LYPD6B: variants seen among roughly 807,000 people sequenced by gnomAD.
LYPD6B encodes LY6/PLAUR domain containing 6B, also known as ly6/PLAUR domain-containing protein 6B.
A neutral mutation model predicts 22.8 loss-of-function variants in LYPD6B; 17 were observed. The ratio of observed to expected loss-of-function variants is 0.75; its 90% CI spans 0.51 to 1.12. The LOEUF (loss-of-function observed/expected upper bound fraction) is 1.12, where lower values mean the gene tolerates loss of function less well. Ranked by LOEUF, LYPD6B falls within the 50% of genes most tolerant of loss-of-function variation. LYPD6B has a pLI of 0.00. For synonymous variants in LYPD6B, 106 were observed against 91.6 expected, an observed-to-expected ratio of 1.16 and a Z score of -0.90; for missense variants, 221 against 258.3, an observed-to-expected ratio of 0.86 and a Z score of 0.99.
chr2:149,057,894 C>T (rs137960013), intron 1 of LYPD6B, among the ~76,000 whole-genome samples: 9 of 152,230 alleles, frequency 5.9e-5, no homozygotes, highest in Admixed American at 4.6e-4. Context: ...TGAATGCATC[C>T]GTAAGACGTA....
chr2:149,212,788 A>G (rs1353636636), intron 5 of LYPD6B, among the ~76,000 whole-genome samples: 1 of 152,208 alleles, frequency 6.6e-6, no homozygotes. Context: ...TTCAAAACAC[A>G]TATGTTCTTC....
In LYPD6B at chr2:149,215,033, A is replaced by T; in HGVS notation, c.*323A>T. ...GGCCTTTAGCTGAAAGGATTTCTTGACCTCCTTGACTGCCTCAGAGGCTGC... is the reference window on the plus strand; with the variant it reads ...GGCCTTTAGCTGAAAGGATTTCTTGTCCTCCTTGACTGCCTCAGAGGCTGC... On this transcript the variant is annotated 3_prime_UTR_variant, in exon 7 of 7. Coordinates refer to ENST00000409642, the MANE Select transcript of LYPD6B (RefSeq NM_177964.5). 1 of 292,934 alleles carries T rather than the reference A, an allele frequency of 3.4e-6. No homozygotes were observed. Among genetic ancestry groups the T allele is most frequent in the Admixed American group, 4.5e-5 (1 of 22,418 alleles). 18.1% of individuals were successfully genotyped at this position (292,934 alleles called of 1,614,324 possible). A position where few individuals can be genotyped will look rare whatever the true frequency, so the allele number is the denominator to read the frequency against.
chr2:149,163,991 G>A (rs1451943859), intron 3 of LYPD6B, among the ~76,000 whole-genome samples: 11 of 152,154 alleles, frequency 7.2e-5, no homozygotes, highest in Non-Finnish European at 1.2e-4. Flanking sequence ...GAGGAAGGAC[G>A]TAGGCAAATA....
At chr2:149,102,127 C>T (rs1686242193) in intron 1 of LYPD6B, among the ~76,000 whole-genome samples, 2 of 152,076 alleles carry the variant, frequency 1.3e-5, no homozygotes, top group Non-Finnish European at 2.9e-5. Flanking sequence ...TCTCCCTTTA[C>T]CAAGGGCTAC....
intron 1 of LYPD6B, among the ~76,000 whole-genome samples, chr2:149,045,374 G>A (rs548558259): frequency 1.3e-5 from 2 of 151,832 alleles, no homozygotes; most frequent in South Asian, 2.1e-4. Context: ...TCCAGATTTT[G>A]GTTTAATTTT....
chr2:149,051,117 C>T (rs1683531281), intron 1 of LYPD6B, among the ~76,000 whole-genome samples: 1 of 151,758 alleles, frequency 6.6e-6, no homozygotes, highest in Admixed American at 6.6e-5. Flanking sequence ...TAAAACATAA[C>T]ATTTATCAAC....
rs1290200529 is a variant in LYPD6B, at chr2:149,041,516, G to A, written c.-67+2715G>A. On this transcript the variant is annotated intron_variant, in intron 1 of 6. Transcript: ENST00000409642. ...GATTGTTTTGCCCAAGCTATTTTCCGGAGCTGTAGGAGGGGCTCACCTACC... is the reference window on the plus strand; with the variant it reads ...GATTGTTTTGCCCAAGCTATTTTCCAGAGCTGTAGGAGGGGCTCACCTACC... Among the ~76,000 whole-genome samples the A allele has an allele frequency of 5.9e-5, 9 of 152,284 alleles. No homozygotes were observed. The East Asian group carries it at 1.2e-3, about 20-fold the overall frequency.
intron 1 of LYPD6B, among the ~76,000 whole-genome samples, chr2:149,072,557 GAC>G (rs1684672297): frequency 1.3e-5 from 1 of 79,952 alleles, no homozygotes; most frequent in African/African-American, 3.8e-5. Flanking sequence ...ATTTTTTTGA[GAC>G]ACAGTTTCAC....
intron 3 of LYPD6B, among the ~76,000 whole-genome samples, chr2:149,189,142 A>T (rs1389748685): frequency 6.6e-6 from 1 of 151,892 alleles, no homozygotes; most frequent in African/African-American, 2.4e-5. Flanking sequence ...CAGGGGCTAA[A>T]GAGTGAGAAT....
intron 1 of LYPD6B, among the ~76,000 whole-genome samples, chr2:149,095,736 T>C (rs763956809): frequency 6.9e-6 from 1 of 145,382 alleles, no homozygotes; most frequent in Non-Finnish European, 1.5e-5. Context: ...CCAGGGAGGG[T>C]GTTGGAAGGA....
chr2:149,055,749 A>G (rs575842802), intron 1 of LYPD6B, among the ~76,000 whole-genome samples: 1 of 152,326 alleles, frequency 6.6e-6, no homozygotes, highest in South Asian at 2.1e-4. Flanking sequence ...GAACTTGTCA[A>G]TTAACTCTAA....
intron 1 of LYPD6B, among the ~76,000 whole-genome samples, chr2:149,119,901 C>A (rs1312991046): frequency 1.3e-5 from 2 of 151,894 alleles, no homozygotes; most frequent in African/African-American, 4.8e-5. Flanking sequence ...CATATATAGA[C>A]AGTAGGTATA....
At chr2:149,107,026 A>G (rs1354012923) in intron 1 of LYPD6B, among the ~76,000 whole-genome samples, 2 of 152,172 alleles carry the variant, frequency 1.3e-5, no homozygotes, top group Non-Finnish European at 2.9e-5. Context: ...ATACGCACCT[A>G]TGATAAAGTT....
intron 1 of LYPD6B, among the ~76,000 whole-genome samples, chr2:149,064,872 G>A (rs1684252570): frequency 6.6e-6 from 1 of 152,204 alleles, no homozygotes; most frequent in Non-Finnish European, 1.5e-5. Flanking sequence ...CTTCCTTAGG[G>A]TGTAAGGAAA....
intron 1 of LYPD6B, among the ~76,000 whole-genome samples, chr2:149,057,539 A>G (rs564787446): frequency 6.6e-6 from 1 of 152,040 alleles, no homozygotes; most frequent in Admixed American, 6.5e-5. Context: ...TAACTACTCT[A>G]TTTTTGCCTT....
At chr2:149,139,126 TCAGC>T (rs1688536873) in intron 2 of LYPD6B, among the ~76,000 whole-genome samples, 1 of 152,212 alleles carries the variant, frequency 6.6e-6, no homozygotes, top group Non-Finnish European at 1.5e-5. Flanking sequence ...GGCCACAGTG[TCAGC>T]CTTCCAGCAA....
intron 3 of LYPD6B, among the ~76,000 whole-genome samples, chr2:149,175,025 C>A (rs1008739477): frequency 2.1e-5 from 2 of 96,066 alleles, no homozygotes; most frequent in Non-Finnish European, 4.2e-5. Flanking sequence ...TCTCTTTAAT[C>A]TCTCTCTCTC....
At position 149,214,914 on chromosome 2, in the gene LYPD6B, A is replaced by C. The variant is rs952189209; in HGVS notation, c.*204A>C. The stretch of plus-strand genomic sequence containing the variant: ...GAGGATGGGAATTTGGCAGGGCCTG[A>C]GAAGATGGTCTGACTTCCAGGCTTC... On this transcript the variant is annotated 3_prime_UTR_variant, in exon 7 of 7. Transcript: ENST00000409642. 3.7e-5 allele frequency: 22 copies of C among 590,870 alleles called. No individual in the cohort carries two copies. The Admixed American group carries it at 6.5e-4, about 17-fold the overall frequency. 36.6% of individuals were successfully genotyped at this position (590,870 alleles called of 1,614,324 possible).
chr2:149,166,796 G>A (rs1243920828), intron 3 of LYPD6B, among the ~76,000 whole-genome samples: 1 of 152,044 alleles, frequency 6.6e-6, no homozygotes, highest in East Asian at 1.9e-4. Context: ...GCTGGAAAAT[G>A]GGCAATCTGG....
Sources: allele counts gnomAD v4.1 joint callset (sites outside exome capture counted in the v4.1 genomes callset), GRCh38; gene constraint gnomAD v4.1.1; transcripts MANE v1.5; gene names NCBI Gene and HGNC (gene_info 2026-07-23, HGNC 2026-07-21).